GRIN2B: variants seen among roughly 807,000 people sequenced by gnomAD.
GRIN2B encodes glutamate ionotropic receptor NMDA type subunit 2B, also known as glutamate receptor ionotropic, NMDA 2B.
A neutral mutation model predicts 114.5 loss-of-function variants in GRIN2B; 5 were observed. The ratio of observed to expected loss-of-function variants is 0.04; its 90% confidence interval spans 0.02 to 0.09. The LOEUF (loss-of-function observed/expected upper bound fraction) is 0.09, where lower values mean the gene tolerates loss of function less well. Among genes scored for constraint, GRIN2B ranks in the 10% least tolerant of loss-of-function variants. The probability of loss-of-function intolerance (pLI) is 1.00; values close to 1 mark genes in which losing one functional copy is unlikely to be tolerated. For missense variants in GRIN2B, 1,108 were observed against 1,943.5 expected (o/e 0.57, Z 8.08); for synonymous variants, 787 against 745.1 (o/e 1.06, Z -0.92).
At chr12:13,600,494 T>TGC (rs1591632508) in intron 10 of GRIN2B, among the ~76,000 whole-genome samples, 2 of 144,514 alleles carry the variant, frequency 1.4e-5, no homozygotes, top group East Asian at 4.7e-4. Context: ...GGGATGTGTG[T>TGC]GTGCATGTGT....
At chr12:13,593,830 G>A (rs1284046521) in intron 10 of GRIN2B, among the ~76,000 whole-genome samples, 4 of 151,800 alleles carry the variant, frequency 2.6e-5, no homozygotes, top group Non-Finnish European at 5.9e-5. Context: ...AAATTTACAA[G>A]AAAACAAACA....
chr12:13,592,954 T>C lies in GRIN2B; in HGVS notation c.2010+15649A>G, dbSNP rs79864471. Among the ~76,000 whole-genome samples the C allele has an allele frequency of 1.9e-3, 291 of 152,346 alleles. 10 individuals carry two copies. In the East Asian group the frequency reaches 0.049, roughly 26 times the overall value. On this transcript the variant is annotated intron_variant, in intron 10 of 13. Transcript: ENST00000609686. ...TACATAAAAGCATGCTAAAAAAATG[T>C]AGTGGTCATGAAGGCCACTTTACAT...
At chr12:13,905,228 A>G (rs1254013155) in intron 2 of GRIN2B, among the ~76,000 whole-genome samples, 2 of 152,162 alleles carry the variant, frequency 1.3e-5, no homozygotes, top group Non-Finnish European at 2.9e-5. Flanking sequence ...TGCATGGAAG[A>G]CAGTGGGGAA....
intron 3 of GRIN2B, among the ~76,000 whole-genome samples, chr12:13,796,708 A>G (rs1864423965): frequency 6.6e-6 from 1 of 152,146 alleles, no homozygotes; most frequent in African/African-American, 2.4e-5. Flanking sequence ...TCACTCTAAC[A>G]CTTGATCTGC....
chr12:13,606,129 T>C (rs1168196558), intron 10 of GRIN2B, among the ~76,000 whole-genome samples: 1 of 152,206 alleles, frequency 6.6e-6, no homozygotes, highest in Admixed American at 6.5e-5. Context: ...GCATGGCCCA[T>C]CAAGTTTCTG....
At chr12:13,579,282 A>G (rs1386801217) in intron 10 of GRIN2B, among the ~76,000 whole-genome samples, 1 of 152,148 alleles carries the variant, frequency 6.6e-6, no homozygotes, top group Non-Finnish European at 1.5e-5. Flanking sequence ...AAGAAAGTTG[A>G]ATTCTGTGCA....
In GRIN2B at chr12:13,631,582, C is replaced by T. The variant is rs553507342; in HGVS notation, c.1126-14925G>A. The stretch of plus-strand genomic sequence containing the variant: ...AGAGTAACAAATGATGTGCCAGACA[C>T]TGGGCTAAGTGGTAGGTTTTGCAGG... On this transcript the variant is annotated intron_variant, in intron 5 of 13. Coordinates refer to ENST00000609686, the MANE Select transcript of GRIN2B (RefSeq NM_000834.5). Among the ~76,000 whole-genome samples, 7 of 152,270 alleles carry T rather than the reference C, an allele frequency of 4.6e-5. No homozygotes were observed. In the East Asian group the frequency reaches 1.3e-3, roughly 29 times the overall value.
intron 12 of GRIN2B, among the ~76,000 whole-genome samples, chr12:13,567,602 A>C (rs562662041): frequency 6.6e-6 from 1 of 152,296 alleles, no homozygotes; most frequent in Middle Eastern, 3.4e-3. Context: ...AGGTAACAAG[A>C]GTCCAAATTG....
chr12:13,802,634 G>T (rs1864536023), intron 3 of GRIN2B, among the ~76,000 whole-genome samples: 1 of 152,100 alleles, frequency 6.6e-6, no homozygotes, highest in African/African-American at 2.4e-5. Context: ...GTAGAAAGAT[G>T]TTTCTTGATG....
At chr12:13,808,346 A>G (rs1293476436) in intron 3 of GRIN2B, among the ~76,000 whole-genome samples, 1 of 152,134 alleles carries the variant, frequency 6.6e-6, no homozygotes, top group Admixed American at 6.6e-5. Flanking sequence ...GAAGGGCTCT[A>G]ATGGCCCAAC....
chr12:13,816,366 T>G (rs1864823754), intron 3 of GRIN2B, among the ~76,000 whole-genome samples: 1 of 152,162 alleles, frequency 6.6e-6, no homozygotes, highest in Non-Finnish European at 1.5e-5. Flanking sequence ...TTCTGGAAAA[T>G]GTCCAGAAAA....
At chr12:13,843,421 C>T (rs1345743580) in intron 3 of GRIN2B, among the ~76,000 whole-genome samples, 1 of 152,100 alleles carries the variant, frequency 6.6e-6, no homozygotes. Flanking sequence ...AATATTTTCA[C>T]AAAATTTCAT....
intron 3 of GRIN2B, among the ~76,000 whole-genome samples, chr12:13,837,070 C>T (rs914507324): frequency 6.6e-6 from 1 of 152,144 alleles, no homozygotes; most frequent in Non-Finnish European, 1.5e-5. Flanking sequence ...ACTGAAATTT[C>T]CACTTGCTCT....
chr12:13,708,009 T>A (rs1565508296), intron 4 of GRIN2B, among the ~76,000 whole-genome samples: 1 of 89,782 alleles, frequency 1.1e-5, no homozygotes, highest in East Asian at 2.4e-4. Flanking sequence ...ACATGTAGAG[T>A]TTGTTCAAGG....
intron 2 of GRIN2B, among the ~76,000 whole-genome samples, chr12:13,963,735 C>T (rs1591643929): frequency 6.6e-6 from 1 of 152,188 alleles, no homozygotes; most frequent in Non-Finnish European, 1.5e-5. Context: ...GGCTGCCTCT[C>T]TGGGGAGTGG....
chr12:13,564,477 C>T lies in GRIN2B; in HGVS notation c.2761G>A (p.Ala921Thr), dbSNP rs1313881938. ...LSGVNGSPQSALDFIRRESSV... is the reference protein window; with the variant it reads ...LSGVNGSPQSTLDFIRRESSV... The stretch of plus-strand genomic sequence containing the variant: ...GACTCCCGTCGGATGAAGTCCAGGG[C>T]GCTCTGCGGTGAGCCATTCACACCA... The change falls in exon 14 of 14, where the codon GCC becomes ACC. Residue 921 changes from alanine to threonine, a missense_variant. By Grantham distance (58) the Ala-to-Thr change is moderately conservative (BLOSUM62 0). This residue lies in a region of GRIN2B where 140 missense variants were observed against 187.5 expected (regional missense o/e 0.75). Transcript: ENST00000609686. This position sits in a 1 kb window ranked among gnomAD's most constrained non-coding sequence, Gnocchi z 4.8. The T allele has an allele frequency of 3.1e-6, 5 of 1,614,074 alleles. No homozygotes were observed. Among genetic ancestry groups the T allele is most frequent in the African/African-American group, 2.7e-5 (2 of 74,928 alleles).
intron 4 of GRIN2B, among the ~76,000 whole-genome samples, chr12:13,718,771 G>T (rs1217156268): frequency 6.6e-6 from 1 of 151,920 alleles, no homozygotes; most frequent in East Asian, 1.9e-4. Context: ...GGCTATCACT[G>T]GTTATGTGAC....
At chr12:13,672,618 C>T (rs983686325) in intron 5 of GRIN2B, among the ~76,000 whole-genome samples, 1 of 152,174 alleles carries the variant, frequency 6.6e-6, no homozygotes, top group African/African-American at 2.4e-5. Flanking sequence ...CTAATAGAAG[C>T]CTTCAAGTTG....
At chr12:13,736,564 G>A (rs989008586) in intron 4 of GRIN2B, among the ~76,000 whole-genome samples, 3 of 151,946 alleles carry the variant, frequency 2.0e-5, no homozygotes, top group African/African-American at 7.3e-5. Context: ...GTGTGTCGGT[G>A]ATATGAAATC....
Sources: allele counts gnomAD v4.1 joint callset (sites outside exome capture counted in the v4.1 genomes callset), GRCh38; gene constraint gnomAD v4.1.1; regional missense constraint gnomAD v4.1.1; non-coding constraint Gnocchi (gnomAD v3.1); transcripts MANE v1.5; gene names NCBI Gene and HGNC (gene_info 2026-07-23, HGNC 2026-07-21).